ATXN10: variants seen among roughly 807,000 people sequenced by gnomAD.
ATXN10 encodes the protein ataxin 10.
In ATXN10, 28 loss-of-function variants were observed where a neutral mutation model predicts 52.9. The ratio of observed to expected loss-of-function variants is 0.53; its 90% CI spans 0.39 to 0.73. The LOEUF (loss-of-function observed/expected upper bound fraction) is 0.73. Ranked by LOEUF, ATXN10 falls within the 30% of genes least tolerant of loss-of-function variation. ATXN10 has a pLI of 0.00. For synonymous variants in ATXN10, 226 were observed against 221.5 expected, an observed-to-expected ratio of 1.02 and a Z score of -0.18; for missense variants, 565 against 577.0, an observed-to-expected ratio of 0.98 and a Z score of 0.21.
chr22:45,772,950 C>T lies in ATXN10; in HGVS notation c.1173+32412C>T, dbSNP rs1426879666. ...ACCATCTGTAGACTTCTTATAATAC[C>T]TAATACATGTAAATGCTGTGTGCAT... On this transcript the variant is annotated intron_variant, in intron 9 of 11. Transcript: ENST00000252934. This position sits in a 1 kb window ranked among gnomAD's most constrained non-coding sequence, Gnocchi z 4.1. Among the ~76,000 whole-genome samples, 1 of 152,198 alleles carries T rather than the reference C, an allele frequency of 6.6e-6. No individual in the cohort carries two copies. The highest frequency in any genetic ancestry group is 1.9e-4 in the East Asian group (1 of 5,194).
chr22:45,752,743 CT>C (rs749747399), intron 9 of ATXN10, among the ~76,000 whole-genome samples: 119 of 145,508 alleles, frequency 8.2e-4, no homozygotes, highest in Middle Eastern at 3.5e-3. Flanking sequence ...AGATCCACTT[CT>C]TTTTTTTTTT....
At chr22:45,724,952 G>C (rs1924809578) in intron 6 of ATXN10, among the ~76,000 whole-genome samples, 1 of 151,958 alleles carries the variant, frequency 6.6e-6, no homozygotes, top group African/African-American at 2.4e-5. Flanking sequence ...TTTATGGAAG[G>C]TTAGTTGATT....
chr22:45,683,882 C>G lies in ATXN10; in HGVS notation c.117-5830C>G, dbSNP rs1253709297. 6.6e-6 allele frequency among the ~76,000 whole-genome samples: 1 copy of G among 152,338 alleles called. No individual in the cohort carries two copies. Among genetic ancestry groups the G allele is most frequent in the East Asian group, 1.9e-4 (1 of 5,182 alleles). ...ATACACAGTTCTGCTCTTGGGCTGT[C>G]TTTTCCAGTGGTTGACTTTCTGCCT... is the stretch of plus-strand genomic sequence containing the variant. On this transcript the variant is annotated intron_variant, in intron 1 of 11. Transcript: ENST00000252934. The surrounding 1 kb of genome is among the most constrained non-coding windows in gnomAD (Gnocchi z 4.8).
chr22:45,747,909 C>T (rs943441083), intron 9 of ATXN10, among the ~76,000 whole-genome samples: 1 of 150,810 alleles, frequency 6.6e-6, no homozygotes, highest in Non-Finnish European at 1.5e-5. Context: ...AGTAAGACCT[C>T]CCATCTCTAA....
chr22:45,793,702 T>C, intron 9 of ATXN10: 4 of 1,483,856 alleles, frequency 2.7e-6, no homozygotes, highest in Non-Finnish European at 3.6e-6. Flanking sequence ...CACAGCTCCA[T>C]GCTGAGGCCC....
chr22:45,832,462 T>C (rs1929025231), intron 10 of ATXN10, among the ~76,000 whole-genome samples: 1 of 152,172 alleles, frequency 6.6e-6, no homozygotes, highest in Non-Finnish European at 1.5e-5. Flanking sequence ...CTTCCCTAAC[T>C]CCCCTCTTTC....
intron 9 of ATXN10, among the ~76,000 whole-genome samples, chr22:45,785,208 T>C (rs1339205029): frequency 6.6e-6 from 1 of 152,040 alleles, no homozygotes; most frequent in Non-Finnish European, 1.5e-5. Context: ...GGGAGGCTAC[T>C]AAATGGAGTG....
chr22:45,731,162 G>A (rs777245313), intron 7 of ATXN10, among the ~76,000 whole-genome samples: 20 of 152,202 alleles, frequency 1.3e-4, no homozygotes, highest in Admixed American at 1.0e-3. Context: ...CCACTCAGCT[G>A]TAAAAAGGGA....
Position 45,770,430 on chromosome 22 carries a change from C to G in ATXN10, c.1173+29892C>G, listed in dbSNP as rs1328951829. On this transcript the variant is annotated intron_variant, in intron 9 of 11. Transcript: ENST00000252934. The surrounding 1 kb of genome is among the most constrained non-coding windows in gnomAD (Gnocchi z 4.5). ...GTGATGAATATACACACTAATGGGACACACACGTGTGTTTCTGTGTCTGTG... is the reference window on the plus strand; with the variant it reads ...GTGATGAATATACACACTAATGGGAGACACACGTGTGTTTCTGTGTCTGTG... Among the ~76,000 whole-genome samples, 1 of 152,148 alleles carries G rather than the reference C, an allele frequency of 6.6e-6. No homozygotes were observed. The highest frequency in any genetic ancestry group is 1.5e-5 in the Non-Finnish European group (1 of 68,030).
At chr22:45,747,216 G>A (rs1045517286) in intron 9 of ATXN10, among the ~76,000 whole-genome samples, 1 of 152,104 alleles carries the variant, frequency 6.6e-6, no homozygotes, top group African/African-American at 2.4e-5. Flanking sequence ...GAAAATGTCT[G>A]GGGGGCCGGG....
At chr22:45,731,067 A>G (rs534408987) in intron 7 of ATXN10, among the ~76,000 whole-genome samples, 6 of 152,144 alleles carry the variant, frequency 3.9e-5, no homozygotes, top group Admixed American at 6.5e-5. Flanking sequence ...TTAATTCTCT[A>G]TCCCTTGTCT....
Position 45,805,930 on chromosome 22 carries a change from A to T in ATXN10, c.1174-1029A>T, listed in dbSNP as rs1219786726. Among the ~76,000 whole-genome samples the T allele has an allele frequency of 1.3e-5, 2 of 152,244 alleles. No homozygotes were observed. The highest frequency in any genetic ancestry group is 4.1e-4 in the South Asian group (2 of 4,834). On this transcript the variant is annotated intron_variant, in intron 9 of 11. Coordinates refer to ENST00000252934, the MANE Select transcript of ATXN10 (RefSeq NM_013236.4). This position sits in a 1 kb window ranked among gnomAD's most constrained non-coding sequence, Gnocchi z 4.4. ...ATAATCCCAGTGCTTTGGGAGACCA[A>T]GGCAGGAGGATCACTTGAGGCTGGG...
intron 9 of ATXN10, among the ~76,000 whole-genome samples, chr22:45,788,225 A>T (rs1313536086): frequency 6.6e-6 from 1 of 152,142 alleles, no homozygotes; most frequent in African/African-American, 2.4e-5. Context: ...GATGGATAAT[A>T]TATAACTGGT....
chr22:45,793,372 T>C, intron 9 of ATXN10: 1 of 254,236 alleles, frequency 3.9e-6, no homozygotes, highest in Non-Finnish European at 7.2e-6. Context: ...TTCTGTGCTT[T>C]TCTGCTGTCC....
chr22:45,692,584 A>C (rs550842717), intron 2 of ATXN10, among the ~76,000 whole-genome samples: 53 of 152,362 alleles, frequency 3.5e-4, no homozygotes, highest in African/African-American at 1.1e-3. Context: ...TCAGATTGCA[A>C]CTAGTACATA....
At chr22:45,758,483 T>C (rs992014926) in intron 9 of ATXN10, among the ~76,000 whole-genome samples, 4 of 152,248 alleles carry the variant, frequency 2.6e-5, no homozygotes, top group African/African-American at 9.6e-5. Context: ...ATTCAAATTA[T>C]TGGTCATCAG....
chr22:45,756,611 A>T (rs1233099854), intron 9 of ATXN10, among the ~76,000 whole-genome samples: 1 of 152,194 alleles, frequency 6.6e-6, no homozygotes, highest in African/African-American at 2.4e-5. Flanking sequence ...AAAGAGCTAA[A>T]TATGTTGAAC....
chr22:45,687,343 A>G (rs762272367), intron 1 of ATXN10, among the ~76,000 whole-genome samples: 1 of 152,182 alleles, frequency 6.6e-6, no homozygotes, highest in Non-Finnish European at 1.5e-5. Flanking sequence ...TTGCTGTGCT[A>G]GATACCAATT....
At chr22:45,778,739 C>G (rs1927046321) in intron 9 of ATXN10, among the ~76,000 whole-genome samples, 1 of 152,066 alleles carries the variant, frequency 6.6e-6, no homozygotes, top group Non-Finnish European at 1.5e-5. Context: ...CTGAGATTGA[C>G]AAGATTGTTC....
Sources: allele counts gnomAD v4.1 joint callset (sites outside exome capture counted in the v4.1 genomes callset), GRCh38; gene constraint gnomAD v4.1.1; non-coding constraint Gnocchi (gnomAD v3.1); transcripts MANE v1.5; gene names NCBI Gene and HGNC (gene_info 2026-07-23, HGNC 2026-07-21).